The following CUX1 variants were observed in gnomAD, a reference collection of about 807,000 sequenced individuals.
CUX1 encodes protein CASP.
CUX1 carries 31 observed loss-of-function variants against 158.8 expected under a neutral mutation model. The ratio of observed to expected loss-of-function variants is 0.20; its 90% CI spans 0.15 to 0.26. The LOEUF is 0.26. Ranked by LOEUF, CUX1 falls within the 10% of genes least tolerant of loss-of-function variation. The pLI, the probability that CUX1 is intolerant of heterozygous loss-of-function variation, is 1.00. For missense variants in CUX1, 1,589 were observed against 2,014.6 expected, an observed-to-expected ratio of 0.79 and a Z score of 4.04; for synonymous variants, 879 against 862.1, an observed-to-expected ratio of 1.02 and a Z score of -0.34.
chr7:102,198,385 A>G (rs1238936685), intron 15 of CUX1, among the ~76,000 whole-genome samples: 2 of 152,268 alleles, frequency 1.3e-5, no homozygotes, highest in Non-Finnish European at 2.9e-5. Flanking sequence ...ATTTAGACTC[A>G]AACAGAGCAG....
In CUX1 at chr7:102,064,508, A is replaced by C. The variant is rs562263321; in HGVS notation, c.190-5831A>C. 4.2e-3 allele frequency among the ~76,000 whole-genome samples: 636 copies of C among 151,838 alleles called. 6 individuals carry two copies. The highest frequency in any genetic ancestry group is 7.1e-3 in the Non-Finnish European group (481 of 67,984). On this transcript the variant is annotated intron_variant, in intron 3 of 23. Transcript: ENST00000292535. The stretch of plus-strand genomic sequence containing the variant: ...ACAGATCCCTCCCCTTCTCAGAGGG[A>C]GCTGTGTTACCAAGCCTTGGCTTGT...
intron 21 of CUX1, among the ~76,000 whole-genome samples, chr7:102,228,805 G>T (rs1586336695): frequency 6.6e-6 from 1 of 152,276 alleles, no homozygotes; most frequent in African/African-American, 2.4e-5. Flanking sequence ...CTCAAAAAAA[G>T]AAAGAGGTAG....
At chr7:102,137,154 G>A (rs1833991433) in intron 8 of CUX1, among the ~76,000 whole-genome samples, 2 of 152,140 alleles carry the variant, frequency 1.3e-5, no homozygotes, top group Non-Finnish European at 2.9e-5. Flanking sequence ...GAATCGTGGA[G>A]GCTCTTGGTT....
intron 20 of CUX1, among the ~76,000 whole-genome samples, chr7:102,220,734 T>A (rs1468028391): frequency 1.3e-5 from 2 of 152,010 alleles, no homozygotes; most frequent in African/African-American, 2.4e-5. Context: ...CATCCCTCCC[T>A]CGGGCTCTCC....
chr7:101,888,792 G>C (rs992290575), intron 1 of CUX1, among the ~76,000 whole-genome samples: 6 of 152,090 alleles, frequency 3.9e-5, no homozygotes, highest in Middle Eastern at 3.4e-3. Context: ...ATTTCACCAT[G>C]ATGGCCAGGC....
intron 20 of CUX1, among the ~76,000 whole-genome samples, chr7:102,224,938 G>A (rs1410043191): frequency 2.0e-5 from 3 of 152,210 alleles, no homozygotes. Flanking sequence ...ATCCTTGACA[G>A]TATCTGGTGA....
intron 9 of CUX1, among the ~76,000 whole-genome samples, chr7:102,159,526 A>C (rs1790181037): frequency 6.6e-6 from 1 of 152,218 alleles, no homozygotes; most frequent in Non-Finnish European, 1.5e-5. Flanking sequence ...AGAACAGGAA[A>C]ACATTTTGCT....
chr7:101,887,913 C>T (rs1268305038), intron 1 of CUX1, among the ~76,000 whole-genome samples: 3 of 150,982 alleles, frequency 2.0e-5, no homozygotes, highest in Admixed American at 1.3e-4. Context: ...ACGGAAAGCC[C>T]AGATGTCGTG....
At chr7:101,900,365 C>G (rs552286933) in intron 1 of CUX1, among the ~76,000 whole-genome samples, 3 of 152,374 alleles carry the variant, frequency 2.0e-5, no homozygotes, top group South Asian at 2.1e-4. Context: ...GACGCCCGCT[C>G]TCTCTGCCAT....
intron 1 of CUX1, among the ~76,000 whole-genome samples, chr7:101,826,484 G>A (rs769314562): frequency 5.3e-5 from 8 of 152,096 alleles, no homozygotes; most frequent in Non-Finnish European, 1.0e-4. Flanking sequence ...TTATAGAGGT[G>A]AACCACTGCG....
chr7:102,273,039 C>T (rs1554546629), intron 14 of CUX1, among the ~76,000 whole-genome samples: 1 of 152,222 alleles, frequency 6.6e-6, no homozygotes, highest in African/African-American at 2.4e-5. Context: ...CTGGCCAGGG[C>T]CCCCCAAACA....
chr7:102,118,611 C>A (rs1050843849), intron 8 of CUX1, among the ~76,000 whole-genome samples: 1 of 152,208 alleles, frequency 6.6e-6, no homozygotes, highest in African/African-American at 2.4e-5. Context: ...TGGAGAAAGA[C>A]TGACTTGGGA....
intron 2 of CUX1, among the ~76,000 whole-genome samples, chr7:101,949,397 C>T (rs1255514170): frequency 1.3e-5 from 2 of 151,920 alleles, no homozygotes; most frequent in Non-Finnish European, 2.9e-5. Context: ...CCCAAAATGC[C>T]GGGATTACAG....
intron 10 of CUX1, among the ~76,000 whole-genome samples, chr7:102,176,395 C>G (rs1249809025): frequency 1.3e-5 from 2 of 152,042 alleles, no homozygotes; most frequent in Non-Finnish European, 2.9e-5. Context: ...GGGACAGCGG[C>G]AAGGACAGTG....
chr7:101,941,905 A>T (rs1807761648), intron 2 of CUX1, among the ~76,000 whole-genome samples: 1 of 152,238 alleles, frequency 6.6e-6, no homozygotes. Flanking sequence ...TTAAAACCAC[A>T]GACACAAGGG....
rs77227424 is a variant in CUX1 at position 102,172,042 on chromosome 7, A to G, written c.828+1492A>G. On this transcript the variant is annotated intron_variant, in intron 10 of 23. Transcript: ENST00000292535. ...AGAACTTGCTCTTGTAATAAATTCA[A>G]TCATTGACAATCATTATTTCCACCC... 5.0e-3 allele frequency among the ~76,000 whole-genome samples: 760 copies of G among 152,284 alleles called. 2 individuals are homozygous for G. The highest frequency in any genetic ancestry group is 0.014 in the Middle Eastern group (4 of 294).
chr7:102,224,064 C>T (rs1313757488), intron 20 of CUX1, among the ~76,000 whole-genome samples: 1 of 152,244 alleles, frequency 6.6e-6, no homozygotes, highest in Non-Finnish European at 1.5e-5. Context: ...TGGCATCTCT[C>T]CATGCCTGTG....
At position 102,197,312 on chromosome 7, in the gene CUX1, G is replaced by C. The variant is rs544682646; in HGVS notation, c.1894+7G>C. ...ATCCAAGGCAGACAAAGAGGTGAGAGACTGGCGTTGGGTGGCGCCAGCGTG... is the reference window on the plus strand; with the variant it reads ...ATCCAAGGCAGACAAAGAGGTGAGACACTGGCGTTGGGTGGCGCCAGCGTG... On this transcript the variant is annotated splice_region_variant and intron_variant, in intron 15 of 23. Coordinates refer to ENST00000292535, the MANE Select transcript of CUX1 (RefSeq NM_181552.4). 10 of 1,607,958 alleles carry C rather than the reference G, an allele frequency of 6.2e-6. No homozygotes were observed. The highest frequency in any genetic ancestry group is 2.2e-5 in the East Asian group (1 of 44,698).
At chr7:101,899,413 G>T (rs1801903354) in intron 1 of CUX1, among the ~76,000 whole-genome samples, 1 of 152,168 alleles carries the variant, frequency 6.6e-6, no homozygotes, top group Admixed American at 6.5e-5. Context: ...TTAGCCAGGT[G>T]TGGTGGTGCA....
Sources: gnomAD v4.1 joint callset for allele counts (sites outside exome capture counted in the v4.1 genomes callset) on GRCh38, gnomAD v4.1.1 for gene constraint, MANE v1.5 for transcripts, NCBI Gene and HGNC (gene_info 2026-07-23, HGNC 2026-07-21) for gene names.